Variants in CALN1 observed in about 807,000 individuals in gnomAD.
CALN1 encodes calcium-binding protein 8.
Under a neutral mutation model 30.6 loss-of-function variants are expected in CALN1, and 17 were observed. That is an observed-to-expected ratio of 0.56 (90% CI 0.38 to 0.83). The LOEUF is 0.83. Ranked by LOEUF, CALN1 falls within the 40% of genes least tolerant of loss-of-function variation. The probability of loss-of-function intolerance (pLI) is 0.00; values close to 1 mark genes in which losing one functional copy is unlikely to be tolerated. For missense variants in CALN1, 291 were observed against 354.9 expected (o/e 0.82, Z 1.45); for synonymous variants, 156 against 131.4 (o/e 1.19, Z -1.28).
At chr7:72,219,885 C>A (rs909244418) in intron 3 of CALN1, among the ~76,000 whole-genome samples, 1 of 152,062 alleles carries the variant, frequency 6.6e-6, no homozygotes, top group Non-Finnish European at 1.5e-5. Context: ...ACCTTCTAAA[C>A]CAGAACTGCA....
rs949362138 is a variant in CALN1 at position 72,438,509 on chromosome 7, T to C, written c.-226+8533A>G. On this transcript the variant is annotated intron_variant, in intron 1 of 6. Coordinates refer to the CALN1 transcript ENST00000395276. The stretch of plus-strand genomic sequence containing the variant: ...GAGAAATAAACAAAATCCTTCCTTA[T>C]GTTTTGCAAGGTCTTCTACCTGCCA... Among the ~76,000 whole-genome samples the C allele has an allele frequency of 4.6e-5, 7 of 152,214 alleles. No homozygotes were observed. The East Asian group carries it at 1.3e-3, about 29-fold the overall frequency.
At chr7:71,811,844 A>T (rs1787980786) in intron 5 of CALN1, among the ~76,000 whole-genome samples, 1 of 151,684 alleles carries the variant, frequency 6.6e-6, no homozygotes, top group African/African-American at 2.4e-5. Context: ...ACGCCCAGCT[A>T]ATTTTTGTAT....
intron 4 of CALN1, among the ~76,000 whole-genome samples, chr7:72,093,873 T>A (rs930116411): frequency 2.0e-5 from 3 of 152,316 alleles, no homozygotes; most frequent in African/African-American, 7.2e-5. Flanking sequence ...CAGGTCCTGA[T>A]GGAAAAGGAG....
intron 4 of CALN1, 82 bp downstream of exon 4, chr7:72,106,069 T>G: frequency 6.6e-7 from 1 of 1,514,996 alleles, no homozygotes; most frequent in African/African-American, 1.4e-5. Context: ...GATTTAAAAG[T>G]GCAAGGCCCT....
intron 5 of CALN1, among the ~76,000 whole-genome samples, chr7:71,854,319 CA>C (rs1159878718): frequency 1.3e-5 from 2 of 151,074 alleles, no homozygotes; most frequent in Non-Finnish European, 1.5e-5. Context: ...GCCTCGGTGA[CA>C]GAGCAAGACT....
intron 3 of CALN1, among the ~76,000 whole-genome samples, chr7:72,109,090 C>CA (rs1563066128): frequency 6.6e-6 from 1 of 152,158 alleles, no homozygotes; most frequent in Non-Finnish European, 1.5e-5. Context: ...TCCCCGCCCA[C>CA]ATTGTAGGAG....
At position 71,784,149 on chromosome 7, in the gene CALN1, C is replaced by T. The variant is rs1474087316; in HGVS notation, c.*3626G>A. On this transcript the variant is annotated 3_prime_UTR_variant, in exon 7 of 7. Coordinates refer to ENST00000395275, the MANE Select transcript of CALN1 (RefSeq NM_031468.4). Reference sequence around the variant, plus strand: ...TAGATTAAGGGGTCCTGGCTCTGGACCCTGGGAGAAGGGGCTGGGAGTAGG... The same window carrying T: ...TAGATTAAGGGGTCCTGGCTCTGGATCCTGGGAGAAGGGGCTGGGAGTAGG... 3.3e-5 allele frequency: 5 copies of T among 152,092 alleles called. No homozygotes were observed. The highest frequency in any genetic ancestry group is 7.3e-5 in the Non-Finnish European group (5 of 68,046). The allele number at this position is 152,092 out of a possible 1,614,324, so 9.4% of individuals were successfully genotyped here. A position where few individuals can be genotyped will look rare whatever the true frequency, so the allele number is the denominator to read the frequency against.
At chr7:71,979,351 G>T (rs1263339272) in intron 5 of CALN1, among the ~76,000 whole-genome samples, 2 of 152,120 alleles carry the variant, frequency 1.3e-5, no homozygotes, top group East Asian at 3.9e-4. Flanking sequence ...ATCAGTGGGA[G>T]CCCTGGGCTT....
intron 5 of CALN1, among the ~76,000 whole-genome samples, chr7:71,920,138 A>G (rs914445332): frequency 1.3e-5 from 2 of 152,070 alleles, no homozygotes; most frequent in African/African-American, 4.8e-5. Flanking sequence ...TCATGCCACT[A>G]TGTACTTCCT....
At chr7:71,966,092 G>C (rs538918710) in intron 5 of CALN1, among the ~76,000 whole-genome samples, 12 of 152,190 alleles carry the variant, frequency 7.9e-5, no homozygotes, top group Non-Finnish European at 1.2e-4. Context: ...AGGATATACA[G>C]TCTGTCTATG....
At chr7:72,070,508 A>G (rs1299162050) in intron 4 of CALN1, among the ~76,000 whole-genome samples, 1 of 152,128 alleles carries the variant, frequency 6.6e-6, no homozygotes, top group Non-Finnish European at 1.5e-5. Context: ...CCTGCTCTTC[A>G]TAATTATTGG....
chr7:71,997,560 G>C (rs1347326591), intron 5 of CALN1, among the ~76,000 whole-genome samples: 1 of 152,098 alleles, frequency 6.6e-6, no homozygotes, highest in East Asian at 1.9e-4. Context: ...ACAAACCAAA[G>C]ATGCAACAAG....
chr7:72,023,560 C>T (rs547435792), intron 5 of CALN1, 97 bp downstream of exon 5: 25 of 846,310 alleles, frequency 3.0e-5, no homozygotes, highest in Non-Finnish European at 4.6e-5. Context: ...CAGAAGAGAT[C>T]TTCACGTGCC....
intron 3 of CALN1, among the ~76,000 whole-genome samples, chr7:72,223,758 T>C (rs1793475252): frequency 6.6e-6 from 1 of 152,078 alleles, no homozygotes; most frequent in Non-Finnish European, 1.5e-5. Context: ...ACAGATGAAA[T>C]CAACAGTGGA....
At chr7:72,215,866 T>C (rs1792765654) in intron 3 of CALN1, among the ~76,000 whole-genome samples, 1 of 152,110 alleles carries the variant, frequency 6.6e-6, no homozygotes, top group African/African-American at 2.4e-5. Context: ...GCCATGGGAC[T>C]TGGTCCCGGC....
At chr7:72,314,376 C>CATATATACACAT (rs1402899569) in intron 2 of CALN1, among the ~76,000 whole-genome samples, 3 of 41,940 alleles carry the variant, frequency 7.2e-5, no homozygotes, top group South Asian at 1.1e-3. Context: ...CATATATACA[C>CATATATACACAT]ATATATACAC....
chr7:72,025,883 G>C (rs1301894763), intron 4 of CALN1, among the ~76,000 whole-genome samples: 3 of 151,904 alleles, frequency 2.0e-5, no homozygotes, highest in African/African-American at 7.2e-5. Context: ...ATTCAGAACA[G>C]ATTGTCCAGG....
rs946174710 is a variant in CALN1 at position 71,943,399 on chromosome 7, A to G, written c.501+80258T>C. Among the ~76,000 whole-genome samples the G allele has an allele frequency of 2.0e-5, 3 of 152,264 alleles. No individual in the cohort carries two copies. In the South Asian group the frequency reaches 6.2e-4, roughly 32 times the overall value. On this transcript the variant is annotated intron_variant, in intron 5 of 6. Coordinates refer to ENST00000395275, the MANE Select transcript of CALN1 (RefSeq NM_031468.4). ...TGATCTTGGGAAAATTACTTCACAT[A>G]TCCATGCCTCTGTTTCCTCTTCTGT... is the stretch of plus-strand genomic sequence containing the variant.
At chr7:72,419,587 C>T (rs1807543370) in intron 1 of CALN1, among the ~76,000 whole-genome samples, 1 of 152,130 alleles carries the variant, frequency 6.6e-6, no homozygotes, top group Admixed American at 6.5e-5. Flanking sequence ...TGGCTGGGCT[C>T]CTGACTAAAC....
Sources: gnomAD v4.1 joint callset for allele counts (sites outside exome capture counted in the v4.1 genomes callset) on GRCh38, gnomAD v4.1.1 for gene constraint, MANE v1.5 for transcripts, NCBI Gene and HGNC (gene_info 2026-07-23, HGNC 2026-07-21) for gene names.